Variants in NRXN1 observed in about 807,000 individuals in gnomAD.
NRXN1 encodes neurexin-1.
Under a neutral mutation model 150.9 loss-of-function variants are expected in NRXN1, and 39 were observed. The ratio of observed to expected loss-of-function variants is 0.26; its 90% CI spans 0.20 to 0.34. The LOEUF is 0.34. Among genes scored for constraint, NRXN1 ranks in the 10% least tolerant of loss-of-function variants. NRXN1 has a pLI of 1.00. For synonymous variants in NRXN1, 924 were observed against 757.0 expected (o/e 1.22, Z -3.62); for missense variants, 1,815 against 1,949.9 (o/e 0.93, Z 1.30).
At chr2:50,483,042 C>A (rs1360210040) in intron 15 of NRXN1, among the ~76,000 whole-genome samples, 2 of 105,788 alleles carry the variant, frequency 1.9e-5, no homozygotes, top group Admixed American at 1.0e-4. Context: ...CAGGGAGAGA[C>A]TCCGTGTCAA....
At chr2:50,730,824 C>T (rs1268252115) in intron 5 of NRXN1, among the ~76,000 whole-genome samples, 1 of 151,942 alleles carries the variant, frequency 6.6e-6, no homozygotes, top group Non-Finnish European at 1.5e-5. Flanking sequence ...AGGCGCCCGC[C>T]ACCACACCCA....
At chr2:50,268,054 G>T (rs1274175803) in intron 17 of NRXN1, among the ~76,000 whole-genome samples, 1 of 152,066 alleles carries the variant, frequency 6.6e-6, no homozygotes, top group South Asian at 2.1e-4. Flanking sequence ...GCTGGGTGTG[G>T]TAACGTGCAC....
Position 50,506,568 on chromosome 2 carries a change from C to G in NRXN1, c.2424G>C (p.Glu808Asp), listed in dbSNP as rs1306929003. Residue 808 changes from glutamate to aspartate, a missense_variant, in exon 13 of 23, where the codon GAG (glutamate) becomes GAC (aspartate). Physicochemically the swap from Glu to Asp is conservative, Grantham distance 45. Around this residue, in one of 6 missense-constraint regions of NRXN1, gnomAD observed 638 missense variants for 652.6 expected, o/e 0.98. Transcript: ENST00000401669. ...GCCGAACTACACGCACTGTGTGCCA[C>G]TCGTTATCATTGAGGTTATAGCCAG... ...LFAGYNLNDN[E>D]WHTVRVVRRG... is the part of the protein sequence containing the mutation. 1.2e-6 allele frequency: 2 copies of G among 1,613,372 alleles called. No homozygotes were observed. The highest frequency in any genetic ancestry group is 1.7e-6 in the Non-Finnish European group (2 of 1,179,548).
intron 8 of NRXN1, among the ~76,000 whole-genome samples, chr2:50,608,645 T>C (rs538940025): frequency 1.1e-3 from 168 of 152,296 alleles, no homozygotes; most frequent in African/African-American, 3.9e-3. Context: ...GTAATGTTAA[T>C]GAAAGATTGG....
At chr2:49,973,958 A>T (rs1678437882) in intron 21 of NRXN1, 1 of 717,024 alleles carries the variant, frequency 1.4e-6, no homozygotes, top group East Asian at 2.7e-5. Flanking sequence ...GCTGTGACAG[A>T]AGAAGCTACC....
intron 18 of NRXN1, among the ~76,000 whole-genome samples, chr2:50,197,798 A>C (rs1029259109): frequency 6.6e-6 from 1 of 152,174 alleles, no homozygotes; most frequent in Non-Finnish European, 1.5e-5. Context: ...CTAATATCAC[A>C]GCTACTTGAC....
chr2:50,163,508 T>C (rs925196356), intron 18 of NRXN1, among the ~76,000 whole-genome samples: 1 of 152,152 alleles, frequency 6.6e-6, no homozygotes, highest in African/African-American at 2.4e-5. Flanking sequence ...GTTTCTATTT[T>C]GAGCCTTCTT....
chr2:49,974,956 A>C (rs536474008), intron 21 of NRXN1, among the ~76,000 whole-genome samples: 54 of 152,020 alleles, frequency 3.6e-4, no homozygotes, highest in African/African-American at 1.2e-3. Context: ...AATTTACAAT[A>C]ATTATTTGGT....
chr2:50,403,239 G>T (rs2082516831), intron 17 of NRXN1, among the ~76,000 whole-genome samples: 1 of 151,918 alleles, frequency 6.6e-6, no homozygotes, highest in South Asian at 2.1e-4. Context: ...AAACAGAGGT[G>T]ATGGGGTAAA....
chr2:50,569,835 G>T (rs1670396826), intron 8 of NRXN1, among the ~76,000 whole-genome samples: 1 of 152,066 alleles, frequency 6.6e-6, no homozygotes. Context: ...CATCAAAATG[G>T]AATACAACAA....
At chr2:50,193,694 T>C (rs1262404850) in intron 18 of NRXN1, among the ~76,000 whole-genome samples, 6 of 152,162 alleles carry the variant, frequency 3.9e-5, no homozygotes, top group South Asian at 2.1e-4. Flanking sequence ...ACTTCAAAGA[T>C]ACCCATTATA....
At chr2:50,471,797 G>A (rs914851504) in intron 16 of NRXN1, among the ~76,000 whole-genome samples, 2 of 151,736 alleles carry the variant, frequency 1.3e-5, no homozygotes, top group African/African-American at 4.8e-5. Context: ...CTTAATACTT[G>A]AGTGGCAAAA....
At chr2:50,411,758 G>A (rs1333374561) in intron 17 of NRXN1, among the ~76,000 whole-genome samples, 30 of 151,732 alleles carry the variant, frequency 2.0e-4, no homozygotes, top group Non-Finnish European at 2.5e-4. Flanking sequence ...CTGCCCGGCC[G>A]CCCCATCTGG....
intron 5 of NRXN1, among the ~76,000 whole-genome samples, chr2:50,809,548 G>T (rs1316752281): frequency 6.6e-6 from 1 of 152,000 alleles, no homozygotes; most frequent in Non-Finnish European, 1.5e-5. Flanking sequence ...TAGAGCAGAG[G>T]TTTAGTATTT....
chr2:50,009,729 A>G (rs1288238092), intron 21 of NRXN1, among the ~76,000 whole-genome samples: 1 of 152,194 alleles, frequency 6.6e-6, no homozygotes, highest in South Asian at 2.1e-4. Flanking sequence ...TCGCCTGACA[A>G]TTATTAAAAT....
intron 2 of NRXN1, among the ~76,000 whole-genome samples, chr2:50,937,014 G>A (rs537093850): frequency 3.0e-4 from 45 of 152,024 alleles, no homozygotes; most frequent in Non-Finnish European, 5.0e-4. Context: ...GGTGCCTCTC[G>A]TTACGAGACT....
At chr2:50,949,843 T>A (rs1691013155) in intron 2 of NRXN1, among the ~76,000 whole-genome samples, 1 of 152,146 alleles carries the variant, frequency 6.6e-6, no homozygotes, top group Non-Finnish European at 1.5e-5. Context: ...GATGAGTGGT[T>A]CCAGAGCCAC....
At chr2:50,857,802 C>A (rs1440306869) in intron 5 of NRXN1, among the ~76,000 whole-genome samples, 1 of 143,198 alleles carries the variant, frequency 7.0e-6, no homozygotes, top group African/African-American at 2.5e-5. Flanking sequence ...TCATAAAAGG[C>A]CTAATCAAAA....
chr2:50,697,876 C>G (rs1213268792), intron 5 of NRXN1, among the ~76,000 whole-genome samples: 1 of 152,094 alleles, frequency 6.6e-6, no homozygotes, highest in African/African-American at 2.4e-5. Flanking sequence ...ACCAGCTGTT[C>G]CCCCAAAGTA....
Sources: gnomAD v4.1 joint callset for allele counts (sites outside exome capture counted in the v4.1 genomes callset) on GRCh38, gnomAD v4.1.1 for gene constraint, gnomAD v4.1.1 regional missense constraint, MANE v1.5 for transcripts, NCBI Gene and HGNC (gene_info 2026-07-23, HGNC 2026-07-21) for gene names.